Variants in SLC39A11 observed in about 807,000 individuals in gnomAD.
SLC39A11 encodes the protein solute carrier family 39 member 11.
A neutral mutation model predicts 36.1 loss-of-function variants in SLC39A11; 33 were observed. The ratio of observed to expected loss-of-function variants is 0.91; its 90% CI spans 0.69 to 1.22. SLC39A11 has a LOEUF of 1.22. Among genes scored for constraint, SLC39A11 ranks in the 50% most tolerant of loss-of-function variants. The pLI is 0.00. For missense variants in SLC39A11, 432 were observed against 430.3 expected (o/e 1.00, Z -0.03); for synonymous variants, 166 against 170.3 (o/e 0.97, Z 0.20).
At chr17:72,998,322 C>T (rs1876235353) in intron 4 of SLC39A11, among the ~76,000 whole-genome samples, 1 of 152,180 alleles carries the variant, frequency 6.6e-6, no homozygotes, top group Non-Finnish European at 1.5e-5. Context: ...CCCACCATCT[C>T]CTGTCAAGCC....
rs529367682 is a variant in SLC39A11 at position 72,751,559 on chromosome 17, G to A, written c.602-14840C>T. Among the ~76,000 whole-genome samples the A allele has an allele frequency of 5.9e-5, 9 of 152,064 alleles. No individual in the cohort carries two copies. The East Asian group carries it at 7.7e-4, about 13-fold the overall frequency. The stretch of plus-strand genomic sequence containing the variant: ...GTGCAATCACTTTTGTACAGCCATC[G>A]CCACCACCCATCTCCAGAGCTCTTT... On this transcript the variant is annotated intron_variant, in intron 6 of 9. Transcript: ENST00000255559.
chr17:72,782,730 G>C (rs2076363887), intron 6 of SLC39A11, among the ~76,000 whole-genome samples: 1 of 142,946 alleles, frequency 7.0e-6, no homozygotes, highest in Non-Finnish European at 1.5e-5. Context: ...GCCCAGCACA[G>C]TGGCTTATGC....
intron 6 of SLC39A11, among the ~76,000 whole-genome samples, chr17:72,775,300 A>G (rs1243154557): frequency 6.6e-6 from 1 of 152,176 alleles, no homozygotes; most frequent in Non-Finnish European, 1.5e-5. Flanking sequence ...TCCAACCTTC[A>G]GGCTGGCAGC....
chr17:72,688,500 G>A (rs2071860817), intron 7 of SLC39A11, among the ~76,000 whole-genome samples: 1 of 152,230 alleles, frequency 6.6e-6, no homozygotes, highest in African/African-American at 2.4e-5. Flanking sequence ...GGGGACAAAT[G>A]CCTCCTCTGA....
intron 3 of SLC39A11, among the ~76,000 whole-genome samples, chr17:73,033,135 T>G (rs2058792224): frequency 6.6e-6 from 1 of 152,154 alleles, no homozygotes; most frequent in African/African-American, 2.4e-5. Flanking sequence ...AGGGTTCACG[T>G]TCCTATGAGA....
intron 4 of SLC39A11, among the ~76,000 whole-genome samples, chr17:73,013,160 C>T (rs1330133925): frequency 3.3e-5 from 5 of 151,914 alleles, no homozygotes; most frequent in Admixed American, 6.6e-5. Flanking sequence ...TGCACAATCT[C>T]GGCTCACTGC....
intron 7 of SLC39A11, among the ~76,000 whole-genome samples, chr17:72,729,457 A>ATTTTTTTTTTTTTTTT (rs55729197): frequency 2.8e-4 from 2 of 7,238 alleles, no homozygotes; most frequent in Non-Finnish European, 6.4e-4. Context: ...ATATATATAT[A>ATTTTTTTTTTTTTTTT]TTTTTTTTTT....
At chr17:72,891,408 C>CAA (rs1403623348) in intron 5 of SLC39A11, among the ~76,000 whole-genome samples, 1 of 151,956 alleles carries the variant, frequency 6.6e-6, no homozygotes, top group Admixed American at 6.6e-5. Flanking sequence ...TCTACCCTCT[C>CAA]AAAAAAACAG....
At chr17:72,971,893 T>G (rs2087486880) in intron 4 of SLC39A11, among the ~76,000 whole-genome samples, 1 of 152,184 alleles carries the variant, frequency 6.6e-6, no homozygotes, top group Non-Finnish European at 1.5e-5. Flanking sequence ...CACCTACGGT[T>G]TGCAGACTCA....
At chr17:72,954,337 C>T (rs74661670) in intron 4 of SLC39A11, among the ~76,000 whole-genome samples, 1,802 of 152,362 alleles carry the variant, frequency 0.012, 17 homozygotes, top group Non-Finnish European at 0.018. Context: ...TCAGAGCTCC[C>T]TGAGGAAAGG....
intron 4 of SLC39A11, among the ~76,000 whole-genome samples, chr17:72,984,943 G>T (rs952781328): frequency 6.6e-6 from 1 of 152,182 alleles, no homozygotes; most frequent in East Asian, 1.9e-4. Flanking sequence ...GCACACAGCA[G>T]CAATAACCCT....
chr17:72,776,196 G>A (rs1000745722), intron 6 of SLC39A11, among the ~76,000 whole-genome samples: 3 of 152,198 alleles, frequency 2.0e-5, no homozygotes, highest in African/African-American at 7.2e-5. Context: ...CAGATGTTTA[G>A]ATTCTGCAGG....
At chr17:73,007,358 T>C (rs1053902544) in intron 4 of SLC39A11, among the ~76,000 whole-genome samples, 2 of 151,924 alleles carry the variant, frequency 1.3e-5, no homozygotes, top group Non-Finnish European at 2.9e-5. Context: ...AAGGCAAAGG[T>C]TGCAGTGAGC....
intron 5 of SLC39A11, among the ~76,000 whole-genome samples, chr17:72,881,972 G>C (rs372258996): frequency 1.3e-5 from 2 of 152,198 alleles, no homozygotes; most frequent in Non-Finnish European, 2.9e-5. Flanking sequence ...ACATCTGCTA[G>C]AGGTGGTTGT....
chr17:73,013,150 T>C (rs1175543163), intron 4 of SLC39A11, among the ~76,000 whole-genome samples: 1 of 151,838 alleles, frequency 6.6e-6, no homozygotes, highest in Non-Finnish European at 1.5e-5. Flanking sequence ...TGGAGTGCAG[T>C]GCACAATCTC....
At chr17:72,782,730 G>A (rs2076363887) in intron 6 of SLC39A11, among the ~76,000 whole-genome samples, 1 of 142,946 alleles carries the variant, frequency 7.0e-6, no homozygotes, top group Non-Finnish European at 1.5e-5. Flanking sequence ...GCCCAGCACA[G>A]TGGCTTATGC....
chr17:73,035,837 C>A (rs1326496564), intron 3 of SLC39A11, among the ~76,000 whole-genome samples: 1 of 128,524 alleles, frequency 7.8e-6, no homozygotes, highest in Non-Finnish European at 1.5e-5. Context: ...GCACTCCAGC[C>A]TGGGTGACAG....
At position 72,903,835 on chromosome 17, in the gene SLC39A11, G is replaced by A. The variant is rs150771647; in HGVS notation, c.430+43917C>T. ...CAATAACCAGCCTCCTCCCAGAACC[G>A]GAAAACTCAACTGCCCTTGCCCTAA... On this transcript the variant is annotated intron_variant, in intron 5 of 9. Transcript: ENST00000255559. Among the ~76,000 whole-genome samples, 1,140 of 152,188 alleles carry A rather than the reference G, an allele frequency of 7.5e-3. 6 individuals carry two copies. The highest frequency in any genetic ancestry group is 0.012 in the Non-Finnish European group (804 of 68,002).
chr17:73,017,671 C>T (rs972954830), intron 4 of SLC39A11, among the ~76,000 whole-genome samples: 6 of 152,086 alleles, frequency 3.9e-5, no homozygotes, highest in Non-Finnish European at 5.9e-5. Flanking sequence ...TAAGATCACG[C>T]CACTGCACTC....
Sources: allele counts gnomAD v4.1 joint callset (sites outside exome capture counted in the v4.1 genomes callset), GRCh38; gene constraint gnomAD v4.1.1; transcripts MANE v1.5; gene names NCBI Gene and HGNC (gene_info 2026-07-23, HGNC 2026-07-21).